RPS6: variants seen among roughly 807,000 people sequenced by gnomAD.
RPS6 encodes the protein small ribosomal subunit protein eS6.
A neutral mutation model predicts 27.1 loss-of-function variants in RPS6; 1 was observed. The observed-to-expected ratio is 0.04, with a 90% confidence interval of 0.01 to 0.18. The LOEUF (loss-of-function observed/expected upper bound fraction) is 0.18, where lower values mean the gene tolerates loss of function less well. RPS6 is among the 10% of genes least tolerant of loss of function. RPS6 has a pLI of 1.00. For missense variants in RPS6, 259 were observed against 319.1 expected, an observed-to-expected ratio of 0.81 and a Z score of 1.44; for synonymous variants, 152 against 106.0, an observed-to-expected ratio of 1.43 and a Z score of -2.66.
intron 2 of RPS6, chr9:19,379,227 G>A: frequency 7.8e-7 from 1 of 1,289,850 alleles, no homozygotes; most frequent in African/African-American, 1.5e-5. Flanking sequence ...TGGGGATTAT[G>A]AGGACAGCTA....
chr9:19,376,085 C>A lies in RPS6; in HGVS notation c.*208G>T, dbSNP rs1589011738. Reference sequence around the variant, plus strand: ...CAGAATCCCTTCCTGTGCCACCCATCCCCTGAAAGGAACCCCTGTACACTG... The same window carrying A: ...CAGAATCCCTTCCTGTGCCACCCATACCCTGAAAGGAACCCCTGTACACTG... On this transcript the variant is annotated 3_prime_UTR_variant, in exon 6 of 6. Coordinates refer to ENST00000380394, the MANE Select transcript of RPS6 (RefSeq NM_001010.3). 2.1e-6 allele frequency: 1 copy of A among 471,870 alleles called. No homozygotes were observed. The highest frequency in any genetic ancestry group is 3.4e-5 in the East Asian group (1 of 29,214). The allele number at this position is 471,870 out of a possible 1,614,324, so 29.2% of individuals were successfully genotyped here. A position where few individuals can be genotyped will look rare whatever the true frequency, so the allele number is the denominator to read the frequency against.
chr9:19,379,183 A>C, intron 2 of RPS6: 3 of 941,792 alleles, frequency 3.2e-6, no homozygotes, highest in Non-Finnish European at 4.6e-6. Context: ...TCAAACAGCA[A>C]CAAACAAATC....
At chr9:19,378,961 C>T in intron 2 of RPS6, 43 bp from the exon 3 acceptor site, 1 of 1,575,758 alleles carries the variant, frequency 6.3e-7, no homozygotes, top group South Asian at 1.1e-5. Flanking sequence ...TATTTCTATT[C>T]CAAAATTATA....
In RPS6 at chr9:19,379,582, G is replaced by C; in HGVS notation, c.43C>G (p.Leu15Val). ...ISFPATGCQK[L>V]IEVDDERKLR... is the part of the protein sequence containing the mutation. ...TTGCGTTCATCGTCCACTTCAATGA[G>C]TTTCTGGCAGCCAGTGGCTGGGAAG... Residue 15 changes from leucine to valine, a missense_variant, in exon 2 of 6, where the codon CTC becomes GTC. Physicochemically the swap from Leu to Val is conservative, Grantham distance 32. Coordinates refer to ENST00000380394, the MANE Select transcript of RPS6 (RefSeq NM_001010.3). The C allele has an allele frequency of 6.2e-7, 1 of 1,614,114 alleles. No homozygotes were observed. Among genetic ancestry groups the C allele is most frequent in the African/African-American group, 1.3e-5 (1 of 75,044 alleles).
In RPS6 at chr9:19,378,705, C is replaced by A; in HGVS notation, c.349+3G>T. 1 of 1,613,978 alleles carries A rather than the reference C, an allele frequency of 6.2e-7. No individual in the cohort carries two copies. ...ACGAAAATTGAACACAAGTAACCCTCACCTTTTTTTACAATAACCAAGTTG... is the reference window on the plus strand; with the variant it reads ...ACGAAAATTGAACACAAGTAACCCTAACCTTTTTTTACAATAACCAAGTTG... On this transcript the variant is annotated splice_donor_region_variant and intron_variant, in intron 3 of 5. Coordinates refer to ENST00000380394, the MANE Select transcript of RPS6 (RefSeq NM_001010.3).
At chr9:19,378,303 A>G in intron 4 of RPS6, 65 bp downstream of exon 4, 1 of 1,498,808 alleles carries the variant, frequency 6.7e-7, no homozygotes, top group Non-Finnish European at 9.2e-7. Context: ...ATCTTCTGAT[A>G]TGCACACAAA....
rs1829591155 is a variant in RPS6, at chr9:19,376,527, T to C, written c.621A>G (p.Ala207=). The change falls in exon 5 of 6, where the codon GCA becomes GCG. Residue 207 remains alanine, a synonymous_variant. Coordinates refer to ENST00000380394, the MANE Select transcript of RPS6 (RefSeq NM_001010.3). The stretch of plus-strand genomic sequence containing the variant: ...TCTTGGCCAAAAGTTTAGCATATTC[T>C]GCAGCCTCTTCTTTATTTTTCTTGG... ...QRTKKNKEEA[A]EYAKLLAKRM... The C allele has an allele frequency of 6.2e-7, 1 of 1,614,078 alleles. No homozygotes were observed. Among genetic ancestry groups the C allele is most frequent in the African/African-American group, 1.3e-5 (1 of 74,936 alleles).
At chr9:19,380,104 G>A (rs1268550111) in intron 1 of RPS6, 86 bp downstream of exon 1, 3 of 1,613,834 alleles carry the variant, frequency 1.9e-6, no homozygotes, top group African/African-American at 2.7e-5. Context: ...CCAGGATCCT[G>A]GAGTGCTGGA....
At chr9:19,376,737 C>CTT in intron 4 of RPS6, 86 bp from the exon 5 acceptor site, 1 of 1,346,098 alleles carries the variant, frequency 7.4e-7, no homozygotes, top group Admixed American at 2.4e-5. Flanking sequence ...TAAACGTAAG[C>CTT]TTAACAGCAT....
At chr9:19,379,044 A>G in intron 2 of RPS6, 126 bp from the exon 3 acceptor site, 1 of 992,748 alleles carries the variant, frequency 1.0e-6, no homozygotes. Context: ...TTTGAACTTA[A>G]GCACGTTTTC....
Position 19,378,409 on chromosome 9 carries a change from T to G in RPS6, c.455A>C (p.Asp152Ala). The stretch of plus-strand genomic sequence containing the variant: ...CTTTCTTACAACATACTGGCGGACA[T>G]CATCTTCTTTAGAGAGATTGAAAAG... ...RKLFNLSKED[D>A]VRQYVVRKPL... Residue 152 changes from aspartate (D) to alanine (A), a missense_variant, in exon 4 of 6, where the codon GAT (aspartate) becomes GCT (alanine). Around this residue, in one of 3 missense-constraint regions of RPS6, gnomAD observed 191 missense variants for 231.6 expected, o/e 0.82. Coordinates refer to ENST00000380394, the MANE Select transcript of RPS6 (RefSeq NM_001010.3). 1 of 1,613,468 alleles carries G rather than the reference T, an allele frequency of 6.2e-7. No individual in the cohort carries two copies. Among genetic ancestry groups the G allele is most frequent in the Non-Finnish European group, 8.5e-7 (1 of 1,180,016 alleles).
At chr9:19,378,036 G>A (rs1356862769) in intron 4 of RPS6, among the ~76,000 whole-genome samples, 1 of 152,202 alleles carries the variant, frequency 6.6e-6, no homozygotes, top group Non-Finnish European at 1.5e-5. Context: ...ATTACAAAGT[G>A]TGTGGTGCTA....
rs372575087 is a variant in RPS6 at position 19,376,626 on chromosome 9, G to C, written c.522C>G (p.Pro174=). ...KEGKKPRTKA[P]KIQRLVTPRV... ...GTGGAGTAACAAGACGCTGAATCTT[G>C]GGTGCTTTGGTCCTAGGTTTCTTAC... Residue 174 remains proline, a synonymous_variant, in exon 5 of 6, where the codon CCC becomes CCG. Coordinates refer to ENST00000380394, the MANE Select transcript of RPS6 (RefSeq NM_001010.3). 21 of 1,613,404 alleles carry C rather than the reference G, an allele frequency of 1.3e-5. No individual in the cohort carries two copies. Among genetic ancestry groups the C allele is most frequent in the African/African-American group, 1.1e-4 (8 of 74,834 alleles).
intron 4 of RPS6, among the ~76,000 whole-genome samples, chr9:19,377,913 T>A (rs1056884642): frequency 6.6e-6 from 1 of 152,318 alleles, no homozygotes; most frequent in Non-Finnish European, 1.5e-5. Context: ...TCCCAGCACT[T>A]TGGGAAGCCA....
rs766318301 is a variant in RPS6, at chr9:19,376,611, A to C, written c.537T>G (p.Leu179=). The C allele has an allele frequency of 2.5e-6, 4 of 1,614,158 alleles. No homozygotes were observed. Among genetic ancestry groups the C allele is most frequent in the South Asian group, 2.2e-5 (2 of 91,064 alleles). ...TGTGCTGCAGGACACGTGGAGTAACAAGACGCTGAATCTTGGGTGCTTTGG... is the reference window on the plus strand; with the variant it reads ...TGTGCTGCAGGACACGTGGAGTAACCAGACGCTGAATCTTGGGTGCTTTGG... ...PRTKAPKIQR[L]VTPRVLQHKR... The change falls in exon 5 of 6, where the codon CTT becomes CTG. Residue 179 remains leucine, a synonymous_variant. Transcript: ENST00000380394.
chr9:19,379,993 C>T, intron 1 of RPS6, 197 bp downstream of exon 1: 1 of 1,462,334 alleles, frequency 6.8e-7, no homozygotes, highest in Non-Finnish European at 9.0e-7. Context: ...TCCCGGCCCG[C>T]CGCGGCTCCA....
In RPS6 at chr9:19,376,147, T is replaced by C; in HGVS notation, c.*146A>G. 1.4e-6 allele frequency: 1 copy of C among 697,036 alleles called. No individual in the cohort carries two copies. The highest frequency in any genetic ancestry group is 2.4e-6 in the Non-Finnish European group (1 of 420,172). The allele number at this position is 697,036 out of a possible 1,614,324, so 43.2% of individuals were successfully genotyped here. A position where few individuals can be genotyped will look rare whatever the true frequency, so the allele number is the denominator to read the frequency against. ...CACTACCACACACAATAGGTCTGAC[T>C]TTATCCACCATTGGAATACCATATA... is the stretch of plus-strand genomic sequence containing the variant. On this transcript the variant is annotated 3_prime_UTR_variant, in exon 6 of 6. Coordinates refer to ENST00000380394, the MANE Select transcript of RPS6 (RefSeq NM_001010.3).
intron 3 of RPS6, 63 bp from the exon 4 acceptor site, chr9:19,378,577 T>A: frequency 3.1e-6 from 5 of 1,591,646 alleles, no homozygotes; most frequent in Non-Finnish European, 4.3e-6. Flanking sequence ...TAAATCAGAA[T>A]GTTTAATGTT....
chr9:19,378,970 T>C (rs1238292308), intron 2 of RPS6, 52 bp from the exon 3 acceptor site: 1 of 1,549,934 alleles, frequency 6.5e-7, no homozygotes, highest in African/African-American at 1.4e-5. Context: ...TCCAAAATTA[T>C]ACAGTACAGG....
Sources: gnomAD v4.1 joint callset for allele counts (sites outside exome capture counted in the v4.1 genomes callset) on GRCh38, gnomAD v4.1.1 for gene constraint, gnomAD v4.1.1 regional missense constraint, MANE v1.5 for transcripts, NCBI Gene and HGNC (gene_info 2026-07-23, HGNC 2026-07-21) for gene names.